Variants in AUTS2 observed in about 807,000 individuals in gnomAD.
AUTS2 encodes autism susceptibility gene 2 protein.
A neutral mutation model predicts 112.4 loss-of-function variants in AUTS2; 17 were observed. The ratio of observed to expected loss-of-function variants is 0.15; its 90% CI spans 0.10 to 0.23. The LOEUF is 0.23. Ranked by LOEUF, AUTS2 falls within the 10% of genes least tolerant of loss-of-function variation. The pLI, the probability that AUTS2 is intolerant of heterozygous loss-of-function variation, is 1.00. For missense variants in AUTS2, 1,510 were observed against 1,701.6 expected, an observed-to-expected ratio of 0.89 and a Z score of 1.98; for synonymous variants, 751 against 702.7, an observed-to-expected ratio of 1.07 and a Z score of -1.09.
chr7:70,598,720 G>A (rs1251564686), intron 5 of AUTS2, among the ~76,000 whole-genome samples: 2 of 152,206 alleles, frequency 1.3e-5, no homozygotes, highest in Non-Finnish European at 2.9e-5. Context: ...GTAGGATGGT[G>A]TGAAAGTTTC....
At chr7:70,072,577 A>G (rs1802826185) in intron 2 of AUTS2, among the ~76,000 whole-genome samples, 1 of 152,212 alleles carries the variant, frequency 6.6e-6, no homozygotes, top group African/African-American at 2.4e-5. Flanking sequence ...AACAGGAATG[A>G]TTCTAAAAAA....
At chr7:70,732,368 G>A (rs567231865) in intron 6 of AUTS2, among the ~76,000 whole-genome samples, 1 of 152,234 alleles carries the variant, frequency 6.6e-6, no homozygotes, top group East Asian at 1.9e-4. Flanking sequence ...CACTTCCCTA[G>A]AGAAGAGGGG....
intron 1 of AUTS2, among the ~76,000 whole-genome samples, chr7:69,610,709 G>C (rs1169719228): frequency 6.6e-6 from 1 of 152,198 alleles, no homozygotes; most frequent in Non-Finnish European, 1.5e-5. Flanking sequence ...TCAGAGCTTG[G>C]TTTTCAAGTG....
chr7:70,394,600 T>C (rs1794004275), intron 4 of AUTS2, among the ~76,000 whole-genome samples: 1 of 152,220 alleles, frequency 6.6e-6, no homozygotes, highest in Non-Finnish European at 1.5e-5. Context: ...TACCAACATA[T>C]GTGGCCTATT....
chr7:70,646,301 A>C (rs1323350465), intron 5 of AUTS2, among the ~76,000 whole-genome samples: 1 of 152,186 alleles, frequency 6.6e-6, no homozygotes, highest in African/African-American at 2.4e-5. Context: ...CTCTGCAGTG[A>C]GGTTAAGGCA....
At chr7:70,701,887 GAGAC>G (rs1418945406) in intron 6 of AUTS2, among the ~76,000 whole-genome samples, 8 of 152,162 alleles carry the variant, frequency 5.3e-5, no homozygotes, top group African/African-American at 1.9e-4. Flanking sequence ...TTTTCCCACT[GAGAC>G]AGAGGCACAG....
At chr7:69,608,726 G>A (rs1468686387) in intron 1 of AUTS2, among the ~76,000 whole-genome samples, 2 of 152,206 alleles carry the variant, frequency 1.3e-5, no homozygotes, top group Non-Finnish European at 2.9e-5. Context: ...TACATGTTCA[G>A]TTGGCAAAGA....
intron 5 of AUTS2, among the ~76,000 whole-genome samples, chr7:70,442,581 C>T (rs971947491): frequency 6.6e-6 from 1 of 152,154 alleles, no homozygotes; most frequent in Non-Finnish European, 1.5e-5. Flanking sequence ...CCCTCCCACT[C>T]CTTGATTCAA....
intron 1 of AUTS2, among the ~76,000 whole-genome samples, chr7:69,784,150 A>T (rs544875416): frequency 5.1e-4 from 77 of 152,280 alleles, no homozygotes; most frequent in African/African-American, 1.7e-3. Context: ...ATTCCAGTAA[A>T]ATTCTCCAGG....
intron 2 of AUTS2, among the ~76,000 whole-genome samples, chr7:70,101,706 AC>A (rs1804505631): frequency 1.3e-5 from 2 of 152,158 alleles, no homozygotes; most frequent in African/African-American, 4.8e-5. Flanking sequence ...AAAACAAAAA[AC>A]AAAAATTAAA....
chr7:69,919,073 AT>A (rs1401113839), intron 2 of AUTS2, among the ~76,000 whole-genome samples: 2 of 152,148 alleles, frequency 1.3e-5, no homozygotes, highest in Admixed American at 6.5e-5. Context: ...GTCATTAACT[AT>A]TGTCATATAT....
intron 1 of AUTS2, among the ~76,000 whole-genome samples, chr7:69,812,612 C>T (rs1790590704): frequency 6.6e-6 from 1 of 152,142 alleles, no homozygotes; most frequent in African/African-American, 2.4e-5. Flanking sequence ...GCGTCCGTTG[C>T]CATGGGCTAC....
intron 7 of AUTS2, among the ~76,000 whole-genome samples, chr7:70,764,531 T>G (rs1317733175): frequency 6.6e-6 from 1 of 151,922 alleles, no homozygotes; most frequent in Non-Finnish European, 1.5e-5. Context: ...CCCACAGCCC[T>G]GAAGCAGCAG....
chr7:69,871,673 G>T (rs1793504317), intron 1 of AUTS2, among the ~76,000 whole-genome samples: 1 of 152,120 alleles, frequency 6.6e-6, no homozygotes, highest in Non-Finnish European at 1.5e-5. Flanking sequence ...ATCTGAGACG[G>T]CTACTAAGTG....
chr7:70,109,937 G>A (rs921787630), intron 2 of AUTS2, among the ~76,000 whole-genome samples: 11 of 152,184 alleles, frequency 7.2e-5, no homozygotes, highest in African/African-American at 2.7e-4. Context: ...AGATAGATAT[G>A]TGAGTTATAC....
At chr7:70,785,163 T>C in intron 16 of AUTS2, 144 bp downstream of exon 16, 1 of 784,654 alleles carries the variant, frequency 1.3e-6, no homozygotes, top group Non-Finnish European at 2.1e-6. Flanking sequence ...GGTGCTCTCT[T>C]AGGAGTTTCA....
intron 1 of AUTS2, among the ~76,000 whole-genome samples, chr7:69,889,369 T>A (rs1794419353): frequency 6.6e-6 from 1 of 152,236 alleles, no homozygotes; most frequent in Admixed American, 6.5e-5. Context: ...ACATTAATTC[T>A]TTTCCTATCT....
chr7:69,875,177 C>G (rs1793677680), intron 1 of AUTS2, among the ~76,000 whole-genome samples: 1 of 151,978 alleles, frequency 6.6e-6, no homozygotes, highest in East Asian at 1.9e-4. Context: ...ACTTGACTGT[C>G]TAGGCATTTG....
intron 1 of AUTS2, among the ~76,000 whole-genome samples, chr7:69,876,441 G>T (rs1265814041): frequency 3.6e-5 from 3 of 83,432 alleles, no homozygotes; most frequent in African/African-American, 5.0e-5. Context: ...TATATTTTGA[G>T]ATATATATAA....
Sources: allele counts gnomAD v4.1 joint callset (sites outside exome capture counted in the v4.1 genomes callset), GRCh38; gene constraint gnomAD v4.1.1; transcripts MANE v1.5; gene names NCBI Gene and HGNC (gene_info 2026-07-23, HGNC 2026-07-21).